Variants in DLGAP2 observed in about 807,000 individuals in gnomAD.
The protein encoded by DLGAP2 is DLG associated protein 2.
DLGAP2 carries 26 observed loss-of-function variants against 100.3 expected under a neutral mutation model. That is an observed-to-expected ratio of 0.26 (90% CI 0.19 to 0.36). The LOEUF is 0.36. Ranked by LOEUF, DLGAP2 falls within the 10% of genes least tolerant of loss-of-function variation. The pLI, the probability that DLGAP2 is intolerant of heterozygous loss-of-function variation, is 1.00. For synonymous variants in DLGAP2, 886 were observed against 630.1 expected, an observed-to-expected ratio of 1.41 and a Z score of -6.08; for missense variants, 1,858 against 1,453.2, an observed-to-expected ratio of 1.28 and a Z score of -4.53.
intron 3 of DLGAP2, among the ~76,000 whole-genome samples, chr8:1,267,450 C>T (rs1799479099): frequency 1.3e-5 from 2 of 149,600 alleles, no homozygotes; most frequent in South Asian, 4.2e-4. Context: ...CCTGTAACCC[C>T]AGCTAATTGG....
rs1821244757 is a variant in DLGAP2, at chr8:767,441, A to G, written c.18+29616A>G. 6.1e-5 allele frequency among the ~76,000 whole-genome samples: 9 copies of G among 148,468 alleles called. No individual in the cohort carries two copies. The South Asian group carries it at 1.9e-3, about 32-fold the overall frequency. ...TCTTGACTCGGTCTTGGCTCACTGC[A>G]AGCTCTGCCTCCCAGGTTCAAGCGA... is the stretch of plus-strand genomic sequence containing the variant. On this transcript the variant is annotated intron_variant, in intron 1 of 14. Transcript: ENST00000637795.
chr8:1,240,515 C>CTG (rs1798764258), intron 2 of DLGAP2, among the ~76,000 whole-genome samples: 1 of 151,016 alleles, frequency 6.6e-6, no homozygotes, highest in Non-Finnish European at 1.5e-5. Context: ...GTCTAGTTCT[C>CTG]TCACATGGCA....
chr8:1,350,707 AGTGT>A, intron 3 of DLGAP2, among the ~76,000 whole-genome samples: 14 of 98,122 alleles, frequency 1.4e-4, no homozygotes, highest in African/African-American at 5.8e-4. Context: ...GCGGGTCCTG[AGTGT>A]GCGTGGAAAG....
At chr8:1,256,225 C>T (rs867589641) in intron 2 of DLGAP2, among the ~76,000 whole-genome samples, 140 of 50,510 alleles carry the variant, frequency 2.8e-3, no homozygotes, top group Admixed American at 3.6e-3. Context: ...TGTGTGTGTG[C>T]CCTCTCCTGC....
chr8:1,006,574 C>T (rs1385714826), intron 2 of DLGAP2, among the ~76,000 whole-genome samples: 1 of 63,516 alleles, frequency 1.6e-5, no homozygotes, highest in Non-Finnish European at 3.2e-5. Context: ...TTTATCACGT[C>T]GGGGGCGCCC....
chr8:1,551,108 T>C (rs957255011), intron 5 of DLGAP2, among the ~76,000 whole-genome samples: 4 of 152,248 alleles, frequency 2.6e-5, no homozygotes, highest in Admixed American at 6.5e-5. Flanking sequence ...TGAAAGGAAA[T>C]GCTAACCAAA....
chr8:1,669,041 G>T (rs531859976), intron 9 of DLGAP2, among the ~76,000 whole-genome samples: 1 of 152,222 alleles, frequency 6.6e-6, no homozygotes, highest in African/African-American at 2.4e-5. Context: ...GAGGGTTTCT[G>T]TTGAAGTCTG....
chr8:1,308,326 A>G (rs1220708265), intron 3 of DLGAP2, among the ~76,000 whole-genome samples: 4 of 152,216 alleles, frequency 2.6e-5, no homozygotes, highest in Admixed American at 2.6e-4. Context: ...CAAATAATAC[A>G]GTGTTTTCAA....
chr8:1,507,173 G>A (rs1170690950), intron 4 of DLGAP2, among the ~76,000 whole-genome samples: 1 of 152,250 alleles, frequency 6.6e-6, no homozygotes, highest in African/African-American at 2.4e-5. Context: ...TCAGCCCTTG[G>A]AGGGTCAATG....
intron 2 of DLGAP2, among the ~76,000 whole-genome samples, chr8:1,077,024 C>T (rs928141940): frequency 3.4e-5 from 5 of 147,816 alleles, no homozygotes; most frequent in South Asian, 2.2e-4. Flanking sequence ...GAGTCTGTCC[C>T]GGGCCCCCCC....
At chr8:1,168,484 T>A (rs1320153048) in intron 2 of DLGAP2, among the ~76,000 whole-genome samples, 1 of 148,998 alleles carries the variant, frequency 6.7e-6, no homozygotes, top group Non-Finnish European at 1.5e-5. Context: ...TGAACTAGTT[T>A]ACAGTCCCAC....
intron 3 of DLGAP2, among the ~76,000 whole-genome samples, chr8:1,478,390 A>C (rs538965158): frequency 2.6e-5 from 4 of 152,292 alleles, no homozygotes; most frequent in Admixed American, 2.6e-4. Flanking sequence ...ATATTTTCTC[A>C]GAGTTTCCAT....
intron 2 of DLGAP2, among the ~76,000 whole-genome samples, chr8:941,619 T>G (rs893120158): frequency 2.6e-5 from 4 of 152,170 alleles, no homozygotes; most frequent in African/African-American, 9.7e-5. Flanking sequence ...GGAGATCTAA[T>G]TCTCAGGAAG....
chr8:804,772 A>T (rs1476163995), intron 1 of DLGAP2, among the ~76,000 whole-genome samples: 6 of 151,782 alleles, frequency 4.0e-5, no homozygotes, highest in Non-Finnish European at 7.4e-5. Flanking sequence ...TTTTCATTTT[A>T]TTTCTTTTTT....
At chr8:763,289 T>A (rs985309209) in intron 1 of DLGAP2, among the ~76,000 whole-genome samples, 1 of 152,194 alleles carries the variant, frequency 6.6e-6, no homozygotes, top group African/African-American at 2.4e-5. Flanking sequence ...GGTTGCTTGT[T>A]AAGGACGCAC....
chr8:1,111,822 T>C (rs1040546180), intron 2 of DLGAP2, among the ~76,000 whole-genome samples: 1 of 152,212 alleles, frequency 6.6e-6, no homozygotes, highest in Non-Finnish European at 1.5e-5. Context: ...GGCATTTAAG[T>C]TGATTCCATG....
At chr8:1,093,537 A>G (rs770633711) in intron 2 of DLGAP2, among the ~76,000 whole-genome samples, 2 of 151,892 alleles carry the variant, frequency 1.3e-5, no homozygotes, top group Non-Finnish European at 2.9e-5. Flanking sequence ...ACACCTTCAC[A>G]CCAACAGCCA....
At chr8:1,056,874 G>A (rs1284842223) in intron 2 of DLGAP2, among the ~76,000 whole-genome samples, 2 of 152,232 alleles carry the variant, frequency 1.3e-5, no homozygotes, top group East Asian at 1.9e-4. Context: ...AGGTAACTTA[G>A]TAAATAGCAT....
chr8:1,626,528 C>T (rs908726830), intron 6 of DLGAP2, among the ~76,000 whole-genome samples: 1,300 of 126,240 alleles, frequency 0.01, 6 homozygotes, highest in African/African-American at 0.048. Flanking sequence ...TACCCTGCAG[C>T]AGGTGCTCAG....
Sources: gnomAD v4.1 joint callset for allele counts (sites outside exome capture counted in the v4.1 genomes callset) on GRCh38, gnomAD v4.1.1 for gene constraint, MANE v1.5 for transcripts, NCBI Gene and HGNC (gene_info 2026-07-23, HGNC 2026-07-21) for gene names.